Variants in SP100 observed in about 807,000 individuals in gnomAD.
SP100 encodes SP100 nuclear body protein.
In SP100, 84 loss-of-function variants were observed where a neutral mutation model predicts 130.0. The ratio of observed to expected loss-of-function variants is 0.65; its 90% CI spans 0.54 to 0.77. The LOEUF is 0.77. Among genes scored for constraint, SP100 ranks in the 30% least tolerant of loss-of-function variants. The pLI, the probability that SP100 is intolerant of heterozygous loss-of-function variation, is 0.00. For missense variants in SP100, 978 were observed against 1,052.2 expected (o/e 0.93, Z 0.97); for synonymous variants, 331 against 351.7 (o/e 0.94, Z 0.66).
chr2:230,511,242 TC>T (rs1690565319), intron 24 of SP100, 76 bp downstream of exon 24: 1 of 994,572 alleles, frequency 1.0e-6, no homozygotes, highest in African/African-American at 1.6e-5. Context: ...TGACTGCCTT[TC>T]CCCGAAGCAT....
intron 15 of SP100, among the ~76,000 whole-genome samples, chr2:230,471,208 C>G (rs992743204): frequency 1.3e-5 from 2 of 152,058 alleles, no homozygotes; most frequent in East Asian, 3.9e-4. Context: ...CTCACCGAAT[C>G]AAAGAGACAG....
At chr2:230,530,243 T>C (rs1575811785) in intron 24 of SP100, among the ~76,000 whole-genome samples, 1 of 151,978 alleles carries the variant, frequency 6.6e-6, no homozygotes, top group African/African-American at 2.4e-5. Flanking sequence ...TATAGACCAA[T>C]GGAACAGAAC....
At chr2:230,478,743 G>A (rs748641818) in intron 17 of SP100, among the ~76,000 whole-genome samples, 3 of 152,134 alleles carry the variant, frequency 2.0e-5, no homozygotes, top group Admixed American at 6.6e-5. Flanking sequence ...ATGTAAGCCC[G>A]TGGAGCTCAA....
intron 17 of SP100, among the ~76,000 whole-genome samples, chr2:230,490,408 T>G (rs1168423423): frequency 6.6e-6 from 1 of 152,206 alleles, no homozygotes; most frequent in Non-Finnish European, 1.5e-5. Flanking sequence ...GAGATGGGTC[T>G]CCTGAATACA....
chr2:230,525,286 G>GA (rs1163071803), intron 24 of SP100, among the ~76,000 whole-genome samples: 2 of 152,116 alleles, frequency 1.3e-5, no homozygotes, highest in Non-Finnish European at 2.9e-5. Flanking sequence ...TGAGCGTACA[G>GA]AAAAAACAGT....
chr2:230,487,594 G>A (rs1442404612), intron 17 of SP100, among the ~76,000 whole-genome samples: 1 of 152,218 alleles, frequency 6.6e-6, no homozygotes, highest in Non-Finnish European at 1.5e-5. Flanking sequence ...AGTATAATTT[G>A]ACATCAAGTA....
At chr2:230,449,357 T>TTGCTGCTGGTTCCTGC (rs1447342364) in intron 6 of SP100, 2 of 779,842 alleles carry the variant, frequency 2.6e-6, no homozygotes, top group Admixed American at 4.0e-5. Flanking sequence ...TTAATCACAC[T>TTGCTGCTGGTTCCTGC]TGCTGCTGGT....
intron 9 of SP100, 149 bp from the exon 10 acceptor site, chr2:230,462,286 G>A (rs534788191): frequency 2.4e-5 from 14 of 578,652 alleles, no homozygotes; most frequent in African/African-American, 1.5e-4. Flanking sequence ...GGAACAAACT[G>A]CAGGTGGCAT....
chr2:230,517,284 T>C (rs952050045), intron 24 of SP100, among the ~76,000 whole-genome samples: 2 of 152,172 alleles, frequency 1.3e-5, no homozygotes, highest in African/African-American at 4.8e-5. Context: ...ATAAAACACT[T>C]GATCAAAATG....
intron 24 of SP100, among the ~76,000 whole-genome samples, chr2:230,533,808 A>G (rs1168316740): frequency 6.6e-6 from 1 of 152,224 alleles, no homozygotes; most frequent in East Asian, 1.9e-4. Context: ...TTCCTGGAGC[A>G]TTAATCGGCT....
At chr2:230,462,056 A>T (rs893058243) in intron 9 of SP100, among the ~76,000 whole-genome samples, 2 of 152,024 alleles carry the variant, frequency 1.3e-5, no homozygotes, top group African/African-American at 4.8e-5. Context: ...ACAAGAGGAG[A>T]TGGGGAGGGA....
intron 24 of SP100, among the ~76,000 whole-genome samples, chr2:230,512,012 G>A (rs116498425): frequency 2.4e-3 from 371 of 151,994 alleles, no homozygotes; most frequent in African/African-American, 8.0e-3. Flanking sequence ...GACTACGGGT[G>A]CATGCCACCA....
chr2:230,505,477 A>G (rs1209415300), intron 21 of SP100, among the ~76,000 whole-genome samples: 4 of 152,258 alleles, frequency 2.6e-5, no homozygotes, highest in Admixed American at 6.5e-5. Context: ...TGTCTGATTC[A>G]TCTACAGCCA....
At chr2:230,518,060 T>C (rs562765635) in intron 24 of SP100, among the ~76,000 whole-genome samples, 27 of 152,012 alleles carry the variant, frequency 1.8e-4, no homozygotes, top group Non-Finnish European at 3.4e-4. Context: ...CTTTTTGCTT[T>C]TCTCTGTACT....
intron 19 of SP100, among the ~76,000 whole-genome samples, chr2:230,499,811 C>G (rs557876158): frequency 6.6e-6 from 1 of 152,192 alleles, no homozygotes; most frequent in South Asian, 2.1e-4. Context: ...CCCTGACATT[C>G]CCAGGGACGG....
intron 24 of SP100, among the ~76,000 whole-genome samples, chr2:230,517,556 A>G (rs1690979387): frequency 6.6e-6 from 1 of 152,068 alleles, no homozygotes. Context: ...GAAGTCAGAA[A>G]TTTGAGACCA....
intron 18 of SP100, among the ~76,000 whole-genome samples, chr2:230,497,018 A>C (rs958171941): frequency 6.6e-6 from 1 of 152,214 alleles, no homozygotes; most frequent in Admixed American, 6.5e-5. Flanking sequence ...ACGGAGGAGC[A>C]CTTTACTCAA....
At chr2:230,505,910 C>T (rs1395226787) in intron 21 of SP100, among the ~76,000 whole-genome samples, 1 of 152,152 alleles carries the variant, frequency 6.6e-6, no homozygotes, top group African/African-American at 2.4e-5. Context: ...TGGTAGAGGG[C>T]TTTATGCCTT....
chr2:230,539,033 A>G, intron 24 of SP100: 1 of 355,650 alleles, frequency 2.8e-6, no homozygotes, highest in Non-Finnish European at 5.3e-6. Context: ...TTTTGTCACT[A>G]GTCATCATGT....
Sources: gnomAD v4.1 joint callset for allele counts (sites outside exome capture counted in the v4.1 genomes callset) on GRCh38, gnomAD v4.1.1 for gene constraint, MANE v1.5 for transcripts, NCBI Gene and HGNC (gene_info 2026-07-23, HGNC 2026-07-21) for gene names.